The following NCOA2 variants were observed in gnomAD, a reference collection of about 807,000 sequenced individuals.
The protein encoded by NCOA2 is nuclear receptor coactivator 2.
NCOA2 carries 21 observed loss-of-function variants against 145.1 expected under a neutral mutation model. The ratio of observed to expected loss-of-function variants is 0.14; its 90% CI spans 0.10 to 0.21. The LOEUF (loss-of-function observed/expected upper bound fraction) is 0.21, where lower values mean the gene tolerates loss of function less well. NCOA2 is among the 10% of genes least tolerant of loss of function. NCOA2 has a pLI of 1.00. For missense variants in NCOA2, 1,472 were observed against 1,837.6 expected (o/e 0.80, Z 3.64); for synonymous variants, 619 against 637.5 (o/e 0.97, Z 0.44).
chr8:70,307,460 T>C (rs887559565), intron 1 of NCOA2, among the ~76,000 whole-genome samples: 1 of 152,172 alleles, frequency 6.6e-6, no homozygotes, highest in Non-Finnish European at 1.5e-5. Context: ...TAAATGTCCA[T>C]AAAACATCCA....
intron 1 of NCOA2, among the ~76,000 whole-genome samples, chr8:70,307,760 G>A (rs1166266626): frequency 6.6e-6 from 1 of 152,196 alleles, no homozygotes; most frequent in African/African-American, 2.4e-5. Flanking sequence ...AATGTAACCT[G>A]AGCTCAGCAG....
At chr8:70,191,078 C>G (rs979115063) in intron 4 of NCOA2, among the ~76,000 whole-genome samples, 1 of 152,076 alleles carries the variant, frequency 6.6e-6, no homozygotes, top group South Asian at 2.1e-4. Context: ...ACACTGATAC[C>G]AGGTCCATAA....
intron 2 of NCOA2, among the ~76,000 whole-genome samples, chr8:70,242,065 T>TA (rs1471292052): frequency 4.1e-4 from 62 of 152,184 alleles, no homozygotes; most frequent in African/African-American, 1.4e-3. Context: ...TATGTTTATT[T>TA]ATCATTCATT....
intron 1 of NCOA2, among the ~76,000 whole-genome samples, chr8:70,344,354 G>A (rs1031471669): frequency 3.9e-5 from 6 of 152,190 alleles, no homozygotes; most frequent in Admixed American, 2.6e-4. Flanking sequence ...CAGAGTGTGC[G>A]GGGCGGCAGC....
intron 2 of NCOA2, among the ~76,000 whole-genome samples, chr8:70,277,228 G>A (rs1825533267): frequency 6.6e-6 from 1 of 151,972 alleles, no homozygotes; most frequent in South Asian, 2.1e-4. Context: ...TAACATTTCT[G>A]CAATAAAGCA....
rs144305770 is a variant in NCOA2, at chr8:70,349,266, C to A, written c.-76-52466G>T. Among the ~76,000 whole-genome samples the A allele has an allele frequency of 2.3e-3, 342 of 151,942 alleles. 1 individual carries two copies. Among genetic ancestry groups the A allele is most frequent in the African/African-American group, 8.0e-3 (330 of 41,458 alleles). ...AATGACATCATTACACCCATAGATA[C>A]AGAGCTGTCACAATAAAAAAAAATT... On this transcript the variant is annotated intron_variant, in intron 1 of 22. Transcript: ENST00000452400.
At chr8:70,271,320 T>C (rs976671763) in intron 2 of NCOA2, among the ~76,000 whole-genome samples, 1 of 152,196 alleles carries the variant, frequency 6.6e-6, no homozygotes, top group Admixed American at 6.5e-5. Flanking sequence ...ATTATTAGTA[T>C]TAATTTTTAC....
the NCOA2 span, among the ~76,000 whole-genome samples, chr8:70,435,424 C>CAAAAAAAAA: frequency 0.022 from 447 of 20,144 alleles, 41 homozygotes; most frequent in African/African-American, 0.043. Flanking sequence ...GACTCCGTCT[C>CAAAAAAAAA]AAAAAAAAAA....
intron 13 of NCOA2, among the ~76,000 whole-genome samples, chr8:70,143,898 A>G (rs960678086): frequency 6.6e-6 from 1 of 152,258 alleles, no homozygotes; most frequent in Non-Finnish European, 1.5e-5. Flanking sequence ...GCATCCTGCT[A>G]TATCCATAAT....
At chr8:70,413,425 A>G in the NCOA2 span, among the ~76,000 whole-genome samples, 2 of 152,226 alleles carry the variant, frequency 1.3e-5, 1 homozygote. Flanking sequence ...CGGGAACTAA[A>G]GAACATTCAA....
At chr8:70,159,242 A>ATATATTTTTT in intron 10 of NCOA2, among the ~76,000 whole-genome samples, 6 of 61,074 alleles carry the variant, frequency 9.8e-5, no homozygotes, top group African/African-American at 2.2e-4. Context: ...ATATATATAT[A>ATATATTTTTT]TTTTTTTTTT....
rs1812717679 is a variant in NCOA2 at position 70,159,530 on chromosome 8, C to T, written c.1099G>A (p.Val367Ile). The T allele has an allele frequency of 6.2e-7, 1 of 1,609,904 alleles. No individual in the cohort carries two copies. The highest frequency in any genetic ancestry group is 2.2e-5 in the East Asian group (1 of 44,840). The change falls in exon 10 of 23, where the codon GTA (valine) becomes ATA (isoleucine). Residue 367 changes from valine to isoleucine, a missense_variant. Physicochemically the swap from Val to Ile is conservative, Grantham distance 29. Transcript: ENST00000452400. ...RSQTTNEPQL[V>I]ISLHMLHREQ... ...CTGTGAAGCATATGTAAAGATATTA[C>T]AAGTTGAGGTTCATTAGTAGTCTGA...
intron 12 of NCOA2, 125 bp downstream of exon 12, chr8:70,148,148 T>C: frequency 2.4e-6 from 2 of 849,364 alleles, no homozygotes; most frequent in African/African-American, 1.7e-5. Context: ...GGACAGTAGA[T>C]GGTGCTATTT....
At chr8:70,163,779 T>C (rs1813316543) in intron 7 of NCOA2, among the ~76,000 whole-genome samples, 1 of 152,104 alleles carries the variant, frequency 6.6e-6, no homozygotes, top group African/African-American at 2.4e-5. Flanking sequence ...TAAGGAGAGC[T>C]GGGGAGCAAA....
intron 6 of NCOA2, among the ~76,000 whole-genome samples, chr8:70,167,745 T>A (rs770517807): frequency 1.3e-5 from 2 of 152,140 alleles, no homozygotes; most frequent in Non-Finnish European, 2.9e-5. Context: ...TATTTAAGAA[T>A]GAGACAATGA....
chr8:70,359,797 C>T (rs1465654251), intron 1 of NCOA2, among the ~76,000 whole-genome samples: 3 of 152,122 alleles, frequency 2.0e-5, no homozygotes, highest in African/African-American at 4.8e-5. Flanking sequence ...CCTGTGCTGG[C>T]CTGCAAAAGG....
chr8:70,368,294 T>C (rs1357055670), intron 1 of NCOA2, among the ~76,000 whole-genome samples: 1 of 152,102 alleles, frequency 6.6e-6, no homozygotes, highest in Non-Finnish European at 1.5e-5. Context: ...CAAGGCCGCA[T>C]AGGGAAATAC....
chr8:70,121,451 A>T, intron 21 of NCOA2, 60 bp from the exon 22 acceptor site: 1 of 1,360,470 alleles, frequency 7.4e-7, no homozygotes, highest in Non-Finnish European at 1.0e-6. Context: ...AGTGCACTGG[A>T]AAACAAGTGG....
intron 20 of NCOA2, 108 bp downstream of exon 20, chr8:70,124,580 A>G: frequency 3.5e-6 from 4 of 1,129,752 alleles, no homozygotes; most frequent in Non-Finnish European, 4.9e-6. Flanking sequence ...CTTTATCACT[A>G]CGTTTGATAA....
Sources: allele counts gnomAD v4.1 joint callset (sites outside exome capture counted in the v4.1 genomes callset), GRCh38; gene constraint gnomAD v4.1.1; transcripts MANE v1.5; gene names NCBI Gene and HGNC (gene_info 2026-07-23, HGNC 2026-07-21).